Variants in JAZF1 observed in about 807,000 individuals in gnomAD.
JAZF1 encodes the protein juxtaposed with another zinc finger protein 1.
Under a neutral mutation model 26.4 loss-of-function variants are expected in JAZF1, and 8 were observed. That is an observed-to-expected ratio of 0.30 (90% CI 0.18 to 0.55). The LOEUF is 0.55. Ranked by LOEUF, JAZF1 falls within the 20% of genes least tolerant of loss-of-function variation. JAZF1 has a pLI of 0.94. For missense variants in JAZF1, 199 were observed against 322.0 expected, an observed-to-expected ratio of 0.62 and a Z score of 2.92; for synonymous variants, 126 against 122.3, an observed-to-expected ratio of 1.03 and a Z score of -0.20.
At chr7:27,983,977 T>C (rs2128362975) in intron 2 of JAZF1, among the ~76,000 whole-genome samples, 1 of 152,266 alleles carries the variant, frequency 6.6e-6, no homozygotes, top group Non-Finnish European at 1.5e-5. Flanking sequence ...GAACAACCAG[T>C]ACCAGCCACT....
At chr7:28,043,260 C>G (rs1452984718) in intron 1 of JAZF1, among the ~76,000 whole-genome samples, 1 of 152,196 alleles carries the variant, frequency 6.6e-6, no homozygotes. Context: ...ACCACTAGCT[C>G]TCTTTCTCCA....
chr7:27,896,483 T>G (rs141528825), intron 2 of JAZF1, among the ~76,000 whole-genome samples: 1 of 152,192 alleles, frequency 6.6e-6, no homozygotes, highest in Non-Finnish European at 1.5e-5. Context: ...GAACATTCCA[T>G]GCCCCCCAAG....
Position 27,889,083 on chromosome 7 carries a change from G to A in JAZF1, c.385+6137C>T, listed in dbSNP as rs549709489. Among the ~76,000 whole-genome samples, 16 of 152,268 alleles carry A rather than the reference G, an allele frequency of 1.1e-4. No homozygotes were observed. The South Asian group carries it at 3.3e-3, about 32-fold the overall frequency. The stretch of plus-strand genomic sequence containing the variant: ...GCACATAGATACTACAATGAGATGG[G>A]CCATGTTTTAAAACAGTGGTTTCTT... On this transcript the variant is annotated intron_variant, in intron 3 of 4. Transcript: ENST00000283928.
At chr7:28,071,986 G>C (rs921361798) in intron 1 of JAZF1, among the ~76,000 whole-genome samples, 1 of 152,204 alleles carries the variant, frequency 6.6e-6, no homozygotes, top group Non-Finnish European at 1.5e-5. Flanking sequence ...TCATGATGTT[G>C]TAAGTTTAAC....
chr7:27,916,966 C>T (rs1784452003), intron 2 of JAZF1, among the ~76,000 whole-genome samples: 1 of 152,188 alleles, frequency 6.6e-6, no homozygotes, highest in Non-Finnish European at 1.5e-5. Flanking sequence ...AGGCCTGGCA[C>T]AATGGCTCAT....
At chr7:28,168,774 C>T (rs1250416223) in intron 1 of JAZF1, among the ~76,000 whole-genome samples, 1 of 152,226 alleles carries the variant, frequency 6.6e-6, no homozygotes, top group Non-Finnish European at 1.5e-5. Flanking sequence ...AGAACTGAAA[C>T]CCAAAATGGA....
At chr7:28,098,358 G>A (rs1784417682) in intron 1 of JAZF1, among the ~76,000 whole-genome samples, 1 of 152,012 alleles carries the variant, frequency 6.6e-6, no homozygotes, top group South Asian at 2.1e-4. Flanking sequence ...TTGTGTGTAA[G>A]CCAAACAGTC....
In JAZF1 at chr7:27,954,842, C is replaced by A. The variant is rs558756661; in HGVS notation, c.188+37067G>T. Among the ~76,000 whole-genome samples, 17 of 152,336 alleles carry A rather than the reference C, an allele frequency of 1.1e-4. 1 individual carries two copies. In the South Asian group the frequency reaches 3.5e-3, roughly 32 times the overall value. Reference sequence around the variant, plus strand: ...GCATGTTCTTGGCTCACCGCAACCTCTGCCTCTTGGGTTCAAGGGATTCTC... The same window carrying A: ...GCATGTTCTTGGCTCACCGCAACCTATGCCTCTTGGGTTCAAGGGATTCTC... On this transcript the variant is annotated intron_variant, in intron 2 of 4. Coordinates refer to ENST00000283928, the MANE Select transcript of JAZF1 (RefSeq NM_175061.4).
chr7:27,863,588 C>T (rs898579519), intron 3 of JAZF1, among the ~76,000 whole-genome samples: 1 of 152,100 alleles, frequency 6.6e-6, no homozygotes, highest in Non-Finnish European at 1.5e-5. Context: ...TGCCATCCTT[C>T]TTCCCCCAGC....
intron 1 of JAZF1, among the ~76,000 whole-genome samples, chr7:27,994,084 T>A (rs1452464739): frequency 6.6e-6 from 1 of 152,242 alleles, no homozygotes; most frequent in Non-Finnish European, 1.5e-5. Context: ...CCTTGATTTT[T>A]ATTTTTTCCC....
chr7:28,113,938 AAAC>A (rs1374352538), intron 1 of JAZF1, among the ~76,000 whole-genome samples: 1 of 152,218 alleles, frequency 6.6e-6, no homozygotes, highest in African/African-American at 2.4e-5. Context: ...CTTGGAGGGT[AAAC>A]ACAGGCCCTT....
intron 2 of JAZF1, among the ~76,000 whole-genome samples, chr7:27,933,688 G>A (rs542702416): frequency 6.6e-6 from 1 of 152,136 alleles, no homozygotes; most frequent in South Asian, 2.1e-4. Context: ...TGGACAAGAT[G>A]TTGGCTTCAT....
rs375859244 is a variant in JAZF1 at position 27,898,304 on chromosome 7, T to TATATATATATATATATATATATACAC, written c.189-2889_189-2888insGTGTATATATATATATATATATATAT. On this transcript the variant is annotated intron_variant, in intron 2 of 4. Coordinates refer to ENST00000283928, the MANE Select transcript of JAZF1 (RefSeq NM_175061.4). The stretch of plus-strand genomic sequence containing the variant: ...TCTAACTCATATATATATATATATA[T>TATATATATATATATATATATATACAC]ACATCGGTTTTTTTTTTTTTTTTTT... Among the ~76,000 whole-genome samples, 39 of 128,914 alleles carry TATATATATATATATATATATATACAC rather than the reference T, an allele frequency of 3.0e-4. 1 individual carries two copies. The highest frequency in any genetic ancestry group is 1.4e-3 in the South Asian group (6 of 4,178). 84.6% of individuals were successfully genotyped at this position (128,914 alleles called of 152,430 possible).
At chr7:27,881,734 T>A (rs1283402940) in intron 3 of JAZF1, among the ~76,000 whole-genome samples, 1 of 152,146 alleles carries the variant, frequency 6.6e-6, no homozygotes, top group African/African-American at 2.4e-5. Context: ...GACAGTTCTG[T>A]CTAGAGGAGG....
intron 3 of JAZF1, among the ~76,000 whole-genome samples, chr7:27,851,779 A>G (rs962953128): frequency 4.6e-5 from 7 of 152,354 alleles, no homozygotes; most frequent in Admixed American, 2.6e-4. Flanking sequence ...AGTTGGTTCT[A>G]AAGAGCTGAA....
chr7:27,991,123 G>A (rs1785894027), intron 2 of JAZF1, among the ~76,000 whole-genome samples: 1 of 152,022 alleles, frequency 6.6e-6, no homozygotes, highest in Non-Finnish European at 1.5e-5. Context: ...CCTCAACTCT[G>A]GTACCAAGAG....
At chr7:27,953,278 AG>A in intron 2 of JAZF1, among the ~76,000 whole-genome samples, 1 of 152,358 alleles carries the variant, frequency 6.6e-6, no homozygotes, top group Admixed American at 6.5e-5. Context: ...CAACATTTTA[AG>A]GGGTAGGCTT....
chr7:28,142,772 A>C (rs1394822248), intron 1 of JAZF1, among the ~76,000 whole-genome samples: 1 of 152,148 alleles, frequency 6.6e-6, no homozygotes, highest in African/African-American at 2.4e-5. Flanking sequence ...GTAGGACAAC[A>C]ACCTAGCATG....
At chr7:27,908,366 G>C (rs1361613570) in intron 2 of JAZF1, among the ~76,000 whole-genome samples, 1 of 152,204 alleles carries the variant, frequency 6.6e-6, no homozygotes, top group South Asian at 2.1e-4. Context: ...TTTCCAGCAT[G>C]GGCTGTTCTG....
Sources: allele counts gnomAD v4.1 joint callset (sites outside exome capture counted in the v4.1 genomes callset), GRCh38; gene constraint gnomAD v4.1.1; transcripts MANE v1.5; gene names NCBI Gene and HGNC (gene_info 2026-07-23, HGNC 2026-07-21).